The following EDAR variants were observed in gnomAD, a reference collection of about 807,000 sequenced individuals.
The protein encoded by EDAR is ectodysplasin A receptor.
A neutral mutation model predicts 51.3 loss-of-function variants in EDAR; 38 were observed. That is an observed-to-expected ratio of 0.74 (90% CI 0.57 to 0.97). The LOEUF is 0.97. EDAR is among the 50% of genes least tolerant of loss of function. EDAR has a pLI of 0.00. For missense variants in EDAR, 528 were observed against 595.0 expected, an observed-to-expected ratio of 0.89 and a Z score of 1.17; for synonymous variants, 227 against 242.1, an observed-to-expected ratio of 0.94 and a Z score of 0.58.
In EDAR at chr2:108,910,795, C is replaced by T. The variant is rs1696912863; in HGVS notation, c.711G>A (p.Glu237=). The T allele has an allele frequency of 6.2e-7, 1 of 1,613,520 alleles. No individual in the cohort carries two copies. The highest frequency in any genetic ancestry group is 1.1e-5 in the South Asian group (1 of 91,062). ...KSVEAQVSKD[E]EKKEAPDNVV... ...ACAGACCTGGGGCCTCTTTCTTCTC[C>T]TCGTCCTTGCTCACTTGGGCCTCCA... The change falls in exon 8 of 12, where the codon GAG becomes GAA. Residue 237 remains glutamate (E), a synonymous_variant. Transcript: ENST00000258443.
chr2:108,897,300 T>C, intron 11 of EDAR, 71 bp from the exon 12 acceptor site: 1 of 1,390,120 alleles, frequency 7.2e-7, no homozygotes, highest in South Asian at 1.3e-5. Context: ...TGAAAAATTA[T>C]TTAAATGAAA....
At chr2:108,952,171 G>A (rs1697838830) in intron 1 of EDAR, among the ~76,000 whole-genome samples, 1 of 152,184 alleles carries the variant, frequency 6.6e-6, no homozygotes, top group Non-Finnish European at 1.5e-5. Context: ...CCTGAAAGAG[G>A]GGAGAGAATT....
In EDAR at chr2:108,928,978, G is replaced by A. The variant is rs149225023; in HGVS notation, c.356+220C>T. On this transcript the variant is annotated intron_variant, in intron 4 of 11. Transcript: ENST00000258443. ...TATTATGATGGTTAATGGCCACTTA[G>A]GAGACACAGAGGCAGAGCCTGATGG... Among the ~76,000 whole-genome samples the A allele has an allele frequency of 2.3e-4, 35 of 152,338 alleles. No individual in the cohort carries two copies. In the East Asian group the frequency reaches 6.0e-3, roughly 26 times the overall value.
rs78411098 is a variant in EDAR at position 108,934,740 on chromosome 2, C to T, written c.-18-3708G>A. Among the ~76,000 whole-genome samples the T allele has an allele frequency of 8.5e-3, 1,295 of 152,304 alleles. 20 individuals carry two copies. The highest frequency in any genetic ancestry group is 0.03 in the African/African-American group (1,232 of 41,548). ...TCTCGAGATAACGAACCCACTCCCG[C>T]GATGATGACATTAAGTCATTCATGA... On this transcript the variant is annotated intron_variant, in intron 1 of 11. Transcript: ENST00000258443.
chr2:108,929,441 G>T (rs1697324356), intron 3 of EDAR, 62 bp from the exon 4 acceptor site: 1 of 1,556,124 alleles, frequency 6.4e-7, no homozygotes, highest in Non-Finnish European at 8.9e-7. Flanking sequence ...TACGGACTCG[G>T]CCCACAGTCC....
At chr2:108,961,846 C>G (rs1698053374) in intron 1 of EDAR, among the ~76,000 whole-genome samples, 1 of 152,186 alleles carries the variant, frequency 6.6e-6, no homozygotes, top group Non-Finnish European at 1.5e-5. Context: ...ACACTAATGG[C>G]CCCTGTGCTG....
intron 1 of EDAR, among the ~76,000 whole-genome samples, chr2:108,941,481 T>C (rs1048918572): frequency 3.3e-5 from 5 of 152,102 alleles, no homozygotes; most frequent in African/African-American, 9.7e-5. Context: ...CCTGAGCTGT[T>C]CCCTTTGAGG....
At position 108,912,712 on chromosome 2, in the gene EDAR, G is replaced by A. The variant is rs571486973; in HGVS notation, c.495C>T (p.Ser165=). Residue 165 remains serine (S), a synonymous_variant, in exon 6 of 12, where the codon AGC becomes AGT. Coordinates refer to ENST00000258443, the MANE Select transcript of EDAR (RefSeq NM_022336.4). ...CGTGCTGGAAGGGAGACAGGGTGCT[G>A]CTGCCCGAGGTGCCAGGGAAGTTGG... ...ASANFPGTSG[S]STLSPFQHAH... is the part of the protein sequence containing the mutation. The A allele has an allele frequency of 4.4e-6, 7 of 1,601,930 alleles. No individual in the cohort carries two copies. The South Asian group carries it at 8.0e-5, about 18-fold the overall frequency.
At chr2:108,978,412 C>T (rs904638462) in intron 1 of EDAR, among the ~76,000 whole-genome samples, 4 of 152,076 alleles carry the variant, frequency 2.6e-5, no homozygotes, top group Non-Finnish European at 4.4e-5. Context: ...CAAACTTGGT[C>T]GACTCTGCGT....
chr2:108,957,018 G>C (rs192056234), intron 1 of EDAR, among the ~76,000 whole-genome samples: 14 of 152,180 alleles, frequency 9.2e-5, no homozygotes, highest in African/African-American at 3.4e-4. Flanking sequence ...TCAAACTCCC[G>C]ACCTCAGGTG....
At chr2:108,909,320 C>A (rs537743840) in intron 9 of EDAR, among the ~76,000 whole-genome samples, 1 of 152,210 alleles carries the variant, frequency 6.6e-6, no homozygotes, top group South Asian at 2.1e-4. Context: ...TCTAGGGAGG[C>A]CCTATTTAAG....
intron 1 of EDAR, among the ~76,000 whole-genome samples, chr2:108,970,136 G>A (rs1356932976): frequency 6.6e-6 from 1 of 152,158 alleles, no homozygotes; most frequent in Non-Finnish European, 1.5e-5. Context: ...TGCTGCTTGA[G>A]CTTTGCACTG....
intron 1 of EDAR, among the ~76,000 whole-genome samples, chr2:108,933,479 C>G (rs1697408745): frequency 6.6e-6 from 1 of 152,240 alleles, no homozygotes; most frequent in Admixed American, 6.5e-5. Flanking sequence ...AGCAGTGGTC[C>G]TGGGTCTTTC....
intron 1 of EDAR, among the ~76,000 whole-genome samples, chr2:108,936,362 C>A (rs1409500935): frequency 6.6e-6 from 1 of 152,248 alleles, no homozygotes; most frequent in East Asian, 1.9e-4. Flanking sequence ...GCATCACGGA[C>A]AGGGAGGGGA....
At chr2:108,977,308 G>A (rs920964454) in intron 1 of EDAR, among the ~76,000 whole-genome samples, 6 of 151,976 alleles carry the variant, frequency 3.9e-5, no homozygotes, top group African/African-American at 1.2e-4. Flanking sequence ...TCGCTCTGTC[G>A]CCCAGGCTGG....
At chr2:108,954,837 G>GGCT in intron 1 of EDAR, among the ~76,000 whole-genome samples, 1 of 152,116 alleles carries the variant, frequency 6.6e-6, no homozygotes, top group South Asian at 2.1e-4. Flanking sequence ...CACCATGGCC[G>GGCT]GCTAATTTTT....
At position 108,896,871 on chromosome 2, in the gene EDAR, G is replaced by C; in HGVS notation, c.*36C>G. 6.3e-7 allele frequency: 1 copy of C among 1,592,324 alleles called. No homozygotes were observed. Among genetic ancestry groups the C allele is most frequent in the Non-Finnish European group, 8.6e-7 (1 of 1,168,334 alleles). On this transcript the variant is annotated 3_prime_UTR_variant, in exon 12 of 12. Coordinates refer to ENST00000258443, the MANE Select transcript of EDAR (RefSeq NM_022336.4). ...GCTCCAGAGCCCTCGTTGGCTCCTT[G>C]GCTTGTCCTGGGAGGACAGCCCACA...
rs192829929 is a variant in EDAR at position 108,975,053 on chromosome 2, A to T, written c.-19+13907T>A. ...ACCTGGCCTGGGAAACCACGGCCCC[A>T]TTGTGGAATCTGCTTTTCCACGGAG... On this transcript the variant is annotated intron_variant, in intron 1 of 11. Transcript: ENST00000258443. Among the ~76,000 whole-genome samples the T allele has an allele frequency of 1.5e-3, 232 of 152,314 alleles. 1 individual carries two copies. Among genetic ancestry groups the T allele is most frequent in the African/African-American group, 5.3e-3 (222 of 41,570 alleles).
Position 108,897,088 on chromosome 2 carries a change from C to G in EDAR, c.1166G>C (p.Gly389Ala), listed in dbSNP as rs780121923. ...ESFGLKRDEI[G>A]GMTDGMQLFD... ...GAGTTGCATGCCGTCTGTCATGCCC[C>G]CAATCTCATCCCTCTTCAGGCCGAA... The change falls in exon 12 of 12, where the codon GGG becomes GCG. Residue 389 changes from glycine (G) to alanine (A), a missense_variant. Physicochemically the swap from Gly to Ala is moderately conservative, Grantham distance 60 (BLOSUM62 0). Coordinates refer to ENST00000258443, the MANE Select transcript of EDAR (RefSeq NM_022336.4). 6 of 1,614,148 alleles carry G rather than the reference C, an allele frequency of 3.7e-6. No individual in the cohort carries two copies. The East Asian group carries it at 1.3e-4, about 36-fold the overall frequency.
Sources: gnomAD v4.1 joint callset for allele counts (sites outside exome capture counted in the v4.1 genomes callset) on GRCh38, gnomAD v4.1.1 for gene constraint, MANE v1.5 for transcripts, NCBI Gene and HGNC (gene_info 2026-07-23, HGNC 2026-07-21) for gene names.